Variants in AKAP7 observed in about 807,000 individuals in gnomAD.
AKAP7 encodes A-kinase anchoring protein 7.
A neutral mutation model predicts 39.5 loss-of-function variants in AKAP7; 39 were observed. The observed-to-expected ratio is 0.99, with a 90% CI of 0.76 to 1.29. AKAP7 has a LOEUF of 1.29. AKAP7 is among the 50% of genes most tolerant of loss of function. The pLI, the probability that AKAP7 is intolerant of heterozygous loss-of-function variation, is 0.00. For missense variants in AKAP7, 414 were observed against 407.7 expected (o/e 1.02, Z -0.13); for synonymous variants, 140 against 139.1 (o/e 1.01, Z -0.05).
intron 7 of AKAP7, among the ~76,000 whole-genome samples, chr6:131,261,957 G>A (rs1813384395): frequency 6.6e-6 from 1 of 152,118 alleles, no homozygotes; most frequent in South Asian, 2.1e-4. Context: ...TTTTAGGCTG[G>A]GTTACTTGTG....
rs1424464609 is a variant in AKAP7 at position 131,241,625 on chromosome 6, GTGTA to G, written c.850+21819_850+21822del. On this transcript the variant is annotated intron_variant, in intron 7 of 7. Coordinates refer to ENST00000431975, the MANE Select transcript of AKAP7 (RefSeq NM_016377.4). The stretch of plus-strand genomic sequence containing the variant: ...TGTGTGTGTGTGTGTGTGTGTGTGT[GTGTA>G]TATATATATGACAGTTATAGGATTC... Among the ~76,000 whole-genome samples, 310 of 65,268 alleles carry G rather than the reference GTGTA, an allele frequency of 4.7e-3. 1 individual carries two copies. Among genetic ancestry groups the G allele is most frequent in the South Asian group, 0.012 (28 of 2,320 alleles). The allele number at this position is 65,268 out of a possible 152,430, so 42.8% of individuals were successfully genotyped here. A position where few individuals can be genotyped will look rare whatever the true frequency, so the allele number is the denominator to read the frequency against.
chr6:131,238,744 G>A (rs995614396), intron 7 of AKAP7, among the ~76,000 whole-genome samples: 1 of 151,730 alleles, frequency 6.6e-6, no homozygotes, highest in African/African-American at 2.4e-5. Context: ...GCCTTTTTTT[G>A]TTTTCCATTT....
chr6:131,172,759 G>A (rs1174231361), intron 5 of AKAP7, among the ~76,000 whole-genome samples: 1 of 152,104 alleles, frequency 6.6e-6, no homozygotes, highest in Non-Finnish European at 1.5e-5. Flanking sequence ...TTGTAGAATT[G>A]ATATTACAGA....
intron 7 of AKAP7, among the ~76,000 whole-genome samples, chr6:131,258,184 G>A (rs779280009): frequency 6.6e-6 from 1 of 152,106 alleles, no homozygotes; most frequent in South Asian, 2.1e-4. Flanking sequence ...AATTAATGTT[G>A]TTGAGCCCAT....
At chr6:131,194,476 C>A (rs1400552485) in intron 5 of AKAP7, among the ~76,000 whole-genome samples, 1 of 151,966 alleles carries the variant, frequency 6.6e-6, no homozygotes, top group African/African-American at 2.4e-5. Context: ...GAGAAGGATT[C>A]ATGTGAGGAA....
intron 7 of AKAP7, among the ~76,000 whole-genome samples, chr6:131,279,558 C>T (rs551855058): frequency 4.6e-5 from 7 of 152,272 alleles, no homozygotes; most frequent in East Asian, 3.9e-4. Flanking sequence ...TGAGCCACCG[C>T]GCCTGGCCAA....
At chr6:131,161,470 C>T (rs1214876234) in intron 3 of AKAP7, among the ~76,000 whole-genome samples, 1 of 151,158 alleles carries the variant, frequency 6.6e-6, no homozygotes, top group Non-Finnish European at 1.5e-5. Flanking sequence ...CATGGCAAAA[C>T]CCCATCTTTA....
chr6:131,135,285 A>T (rs1177763998), upstream of AKAP7, among the ~76,000 whole-genome samples: 1 of 152,182 alleles, frequency 6.6e-6, no homozygotes, highest in East Asian at 1.9e-4. Context: ...GGGCTGCCAA[A>T]GGCCGTCGGA....
At chr6:131,171,929 G>A (rs1388235026) in intron 5 of AKAP7, among the ~76,000 whole-genome samples, 2 of 152,106 alleles carry the variant, frequency 1.3e-5, no homozygotes, top group Admixed American at 1.3e-4. Flanking sequence ...TAGAGTAATA[G>A]GGCTGAAGAT....
At chr6:131,242,280 A>G (rs1269256968) in intron 7 of AKAP7, 1 of 787,792 alleles carries the variant, frequency 1.3e-6, no homozygotes, top group African/African-American at 1.9e-5. Flanking sequence ...GCTGCCAAAT[A>G]TGTGTTCATT....
intron 2 of AKAP7, among the ~76,000 whole-genome samples, chr6:131,154,106 G>A (rs764943808): frequency 2.0e-5 from 3 of 152,132 alleles, no homozygotes; most frequent in African/African-American, 7.2e-5. Context: ...TACTCGGGAG[G>A]CTGAGGCAGG....
At chr6:131,220,816 T>C (rs1174385457) in intron 7 of AKAP7, among the ~76,000 whole-genome samples, 10 of 152,194 alleles carry the variant, frequency 6.6e-5, no homozygotes, top group Non-Finnish European at 1.5e-5. Flanking sequence ...ATCAGTGATC[T>C]TTGATGTTAT....
At chr6:131,198,884 C>A (rs888346031) in intron 5 of AKAP7, among the ~76,000 whole-genome samples, 10 of 152,102 alleles carry the variant, frequency 6.6e-5, no homozygotes, top group Non-Finnish European at 1.5e-4. Context: ...CTGGAATTTT[C>A]TTGGTACAAG....
At chr6:131,165,252 A>G (rs1295715455) in intron 4 of AKAP7, 35 bp downstream of exon 4, 1 of 1,525,288 alleles carries the variant, frequency 6.6e-7, no homozygotes, top group Admixed American at 1.9e-5. Flanking sequence ...ATAATTTTCC[A>G]AATTATTACT....
chr6:131,152,707 G>A (rs1408392904), intron 2 of AKAP7, among the ~76,000 whole-genome samples: 3 of 151,532 alleles, frequency 2.0e-5, no homozygotes, highest in Non-Finnish European at 4.4e-5. Context: ...CATGCTTGTA[G>A]TCCCAGCTGT....
chr6:131,223,162 A>G lies in AKAP7; in HGVS notation c.850+3354A>G, dbSNP rs1809854552. ...TAATTTTATATGTACTAGGAAACCA[A>G]AAAATTCATGTGGCTTGCATTATTG... is the stretch of plus-strand genomic sequence containing the variant. On this transcript the variant is annotated intron_variant, in intron 7 of 7. Coordinates refer to ENST00000431975, the MANE Select transcript of AKAP7 (RefSeq NM_016377.4). Among the ~76,000 whole-genome samples the G allele has an allele frequency of 1.3e-5, 2 of 152,236 alleles. 1 individual carries two copies. Among genetic ancestry groups the G allele is most frequent in the African/African-American group, 4.8e-5 (2 of 41,464 alleles).
chr6:131,182,607 G>A (rs1206441047), intron 5 of AKAP7, among the ~76,000 whole-genome samples: 4 of 152,166 alleles, frequency 2.6e-5, no homozygotes, highest in African/African-American at 7.2e-5. Flanking sequence ...CTATGAACAT[G>A]GATGTATAAA....
intron 7 of AKAP7, among the ~76,000 whole-genome samples, chr6:131,244,824 TTC>T (rs1170764239): frequency 6.6e-6 from 1 of 151,512 alleles, no homozygotes; most frequent in Non-Finnish European, 1.5e-5. Context: ...CTTTTATGGC[TTC>T]TGTTTTATAG....
At chr6:131,250,694 C>T (rs544234844) in intron 7 of AKAP7, 1 of 1,467,308 alleles carries the variant, frequency 6.8e-7, no homozygotes. Flanking sequence ...TAGTTTTGCT[C>T]TTTTTTTAAT....
Sources: gnomAD v4.1 joint callset for allele counts (sites outside exome capture counted in the v4.1 genomes callset) on GRCh38, gnomAD v4.1.1 for gene constraint, MANE v1.5 for transcripts, NCBI Gene and HGNC (gene_info 2026-07-23, HGNC 2026-07-21) for gene names.